DECR2: variants seen among roughly 807,000 people sequenced by gnomAD.
The protein encoded by DECR2 is peroxisomal 2,4-dienoyl-CoA reductase [(3E)-enoyl-CoA-producing].
Under a neutral mutation model 29.2 loss-of-function variants are expected in DECR2, and 34 were observed. The observed-to-expected ratio is 1.16, with a 90% CI of 0.89 to 1.55. The LOEUF (loss-of-function observed/expected upper bound fraction) is 1.55. DECR2 is among the 40% of genes most tolerant of loss of function. The pLI, the probability that DECR2 is intolerant of heterozygous loss-of-function variation, is 0.00. For missense variants in DECR2, 485 were observed against 425.3 expected (o/e 1.14, Z -1.23); for synonymous variants, 224 against 182.7 (o/e 1.23, Z -1.82).
chr16:407,420 T>A lies in DECR2; in HGVS notation c.202-5T>A. 6.2e-7 allele frequency: 1 copy of A among 1,604,950 alleles called. No homozygotes were observed. Among genetic ancestry groups the A allele is most frequent in the Non-Finnish European group, 8.5e-7 (1 of 1,177,610 alleles). On this transcript the variant is annotated splice_region_variant and splice_polypyrimidine_tract_variant and intron_variant, in intron 3 of 8. Coordinates refer to ENST00000219481, the MANE Select transcript of DECR2 (RefSeq NM_020664.4). Reference sequence around the variant, plus strand: ...CTGCTGTCTGCCTCTTTACCTGGCTTCTAGGCCGCCAGGAAGCTGGCTGGG... The same window carrying A: ...CTGCTGTCTGCCTCTTTACCTGGCTACTAGGCCGCCAGGAAGCTGGCTGGG...
At chr16:406,001 G>T (rs988710427) in intron 2 of DECR2, among the ~76,000 whole-genome samples, 1 of 152,210 alleles carries the variant, frequency 6.6e-6, no homozygotes. Context: ...AGTCCTCCAC[G>T]CCAGCCCCAC....
Position 410,890 on chromosome 16 carries a change from G to A in DECR2, c.557-82G>A. ...TCTCCACTTGAAGCTGAGCCCAGCT[G>A]CAGGCAGCGAGACCTGGCCTTGGCC... is the stretch of plus-strand genomic sequence containing the variant. On this transcript the variant is annotated intron_variant, in intron 6 of 8. Transcript: ENST00000219481. The surrounding 1 kb of genome is among the most constrained non-coding windows in gnomAD (Gnocchi z 4.1). 1 of 1,526,436 alleles carries A rather than the reference G, an allele frequency of 6.6e-7. No individual in the cohort carries two copies. The highest frequency in any genetic ancestry group is 8.9e-7 in the Non-Finnish European group (1 of 1,128,616). The allele number at this position is 1,526,436 out of a possible 1,614,324, so 94.6% of individuals were successfully genotyped here.
chr16:404,784 C>T (rs1345177712), intron 1 of DECR2, among the ~76,000 whole-genome samples, 172 bp from the exon 2 acceptor site: 1 of 152,094 alleles, frequency 6.6e-6, no homozygotes, highest in Admixed American at 6.6e-5. Flanking sequence ...CACCCACCAC[C>T]ACGCCCAGCT....
Position 406,386 on chromosome 16 carries a change from C to T in DECR2, c.190C>T (p.Arg64Ter), listed in dbSNP as rs778634244. 170 of 1,607,696 alleles carry T rather than the reference C, an allele frequency of 1.1e-4. No homozygotes were observed. Among genetic ancestry groups the T allele is most frequent in the Non-Finnish European group, 1.3e-4 (150 of 1,179,932 alleles). Residue 64 changes from arginine to a stop codon, truncating the protein, a stop_gained, in exon 3 of 9, where the codon CGA (arginine) becomes TGA (stop). Transcript: ENST00000219481. LOFTEE classifies it high-confidence loss of function. Reference protein sequence around the residue: ...HTVIASRSLPRVLTAARKLAG... With the variant: ...HTVIASRSLP Reference sequence around the variant, plus strand: ...GGTGATTGCCAGTAGGAGCCTGCCGCGAGTGCTGACGGTGAGAGGGCCTCT... The same window carrying T: ...GGTGATTGCCAGTAGGAGCCTGCCGTGAGTGCTGACGGTGAGAGGGCCTCT...
intron 2 of DECR2, among the ~76,000 whole-genome samples, 197 bp from the exon 3 acceptor site, chr16:406,149 C>T (rs574124094): frequency 1.2e-3 from 176 of 152,322 alleles, no homozygotes; most frequent in Non-Finnish European, 2.0e-3. Flanking sequence ...TGTCCCATGC[C>T]AGAAACCCCG....
At chr16:405,836 C>T (rs1206649345) in intron 2 of DECR2, among the ~76,000 whole-genome samples, 1 of 152,160 alleles carries the variant, frequency 6.6e-6, no homozygotes, top group Non-Finnish European at 1.5e-5. Flanking sequence ...GTGGTTTTGA[C>T]CTAAAGGCAG....
Position 401,930 on chromosome 16 carries a change from G to T in DECR2, c.-34G>T. On this transcript the variant is annotated 5_prime_UTR_variant, in exon 1 of 9. Coordinates refer to ENST00000219481, the MANE Select transcript of DECR2 (RefSeq NM_020664.4). ...GGTCCTGGAGGCCGAGGCCGCTCCC[G>T]CCCGTTGTCCCCGCAGTCCCCGACG... 1.4e-6 allele frequency: 2 copies of T among 1,473,034 alleles called. 1 individual carries two copies. The highest frequency in any genetic ancestry group is 1.8e-6 in the Non-Finnish European group (2 of 1,118,456). 91.2% of individuals were successfully genotyped at this position (1,473,034 alleles called of 1,614,324 possible).
chr16:404,922 G>A (rs1326208859), intron 1 of DECR2, 34 bp from the exon 2 acceptor site: 2 of 1,612,976 alleles, frequency 1.2e-6, no homozygotes, highest in Admixed American at 3.3e-5. Flanking sequence ...GCCCAATAGG[G>A]CTCTTTTAAA....
At chr16:411,154 T>C (rs755705464) in intron 7 of DECR2, 78 bp downstream of exon 7, 33 of 1,374,354 alleles carry the variant, frequency 2.4e-5, no homozygotes, top group Non-Finnish European at 3.2e-5. Flanking sequence ...TCCAGAACCT[T>C]GGCAGGGTGT....
intron 4 of DECR2, among the ~76,000 whole-genome samples, chr16:408,959 G>A (rs2054777075): frequency 6.7e-6 from 1 of 149,222 alleles, no homozygotes; most frequent in South Asian, 2.1e-4. Flanking sequence ...AGCCTCCCAA[G>A]TAGCTGGGAT....
chr16:407,056 T>C, intron 3 of DECR2: 2 of 1,063,114 alleles, frequency 1.9e-6, no homozygotes, highest in Non-Finnish European at 2.3e-6. Flanking sequence ...AAGAAAGACC[T>C]CTGGGCTCAC....
intron 7 of DECR2, 76 bp downstream of exon 7, chr16:411,152 C>G (rs2054814212): frequency 2.2e-6 from 3 of 1,385,042 alleles, no homozygotes; most frequent in Non-Finnish European, 2.9e-6. Context: ...CTTCCAGAAC[C>G]TTGGCAGGGT....
At position 407,446 on chromosome 16, in the gene DECR2, G is replaced by A; in HGVS notation, c.223G>A (p.Ala75Thr). The change falls in exon 4 of 9, where the codon GCC becomes ACC. Residue 75 changes from alanine to threonine, a missense_variant. Ala to Thr is a moderately conservative substitution (Grantham distance 58). Coordinates refer to ENST00000219481, the MANE Select transcript of DECR2 (RefSeq NM_020664.4). ...VLTAARKLAG[A>T]TGRRCLPLSM... ...CTAGGCCGCCAGGAAGCTGGCTGGG[G>A]CCACCGGCCGGCGCTGCCTCCCTCT... is the stretch of plus-strand genomic sequence containing the variant. 1 of 1,610,308 alleles carries A rather than the reference G, an allele frequency of 6.2e-7. No homozygotes were observed. The highest frequency in any genetic ancestry group is 8.5e-7 in the Non-Finnish European group (1 of 1,179,026).
At chr16:403,233 T>C (rs541895687) in intron 1 of DECR2, among the ~76,000 whole-genome samples, 1 of 152,070 alleles carries the variant, frequency 6.6e-6, no homozygotes, top group East Asian at 1.9e-4. Context: ...TTGGTCAGGC[T>C]GGTCTGGAAC....
intron 3 of DECR2, chr16:406,970 G>C: frequency 9.8e-7 from 1 of 1,017,682 alleles, no homozygotes. Context: ...GCCTCCCAGA[G>C]ACATCTTTGA....
chr16:406,974 T>C, intron 3 of DECR2: 1 of 1,016,596 alleles, frequency 9.8e-7, no homozygotes, highest in Non-Finnish European at 1.2e-6. Context: ...CCCAGAGACA[T>C]CTTTGACTTT....
chr16:410,227 G>A lies in DECR2; in HGVS notation c.338-16G>A. The A allele has an allele frequency of 6.2e-7, 1 of 1,611,276 alleles. No homozygotes were observed. The highest frequency in any genetic ancestry group is 8.5e-7 in the Non-Finnish European group (1 of 1,178,816). The stretch of plus-strand genomic sequence containing the variant: ...TCCCCAGGCTCCAGCAGCTCCTGCG[G>A]TCTCCCATTCTGCAGGTGCGGCCGG... On this transcript the variant is annotated splice_polypyrimidine_tract_variant and intron_variant, in intron 4 of 8. Transcript: ENST00000219481. This position sits in a 1 kb window ranked among gnomAD's most constrained non-coding sequence, Gnocchi z 4.1.
intron 4 of DECR2, among the ~76,000 whole-genome samples, chr16:408,041 G>C (rs1285285008): frequency 9.7e-4 from 18 of 18,560 alleles, no homozygotes; most frequent in South Asian, 2.5e-3. Flanking sequence ...CTGTCTCCGG[G>C]CCTCTGTCTC....
At chr16:407,114 C>T (rs2054734263) in intron 3 of DECR2, 5 of 1,168,456 alleles carry the variant, frequency 4.3e-6, no homozygotes, top group Non-Finnish European at 3.2e-6. Flanking sequence ...GAGCCCTCGA[C>T]CTGGGAGGAG....
Sources: gnomAD v4.1 joint callset for allele counts (sites outside exome capture counted in the v4.1 genomes callset) on GRCh38, gnomAD v4.1.1 for gene constraint, Gnocchi (gnomAD v3.1) non-coding constraint, MANE v1.5 for transcripts, NCBI Gene and HGNC (gene_info 2026-07-23, HGNC 2026-07-21) for gene names.